The following MCC variants were observed in gnomAD, a reference collection of about 807,000 sequenced individuals.
The protein encoded by MCC is colorectal mutant cancer protein.
A neutral mutation model predicts 116.2 loss-of-function variants in MCC; 90 were observed. The observed-to-expected ratio is 0.77, with a 90% CI of 0.65 to 0.92. The LOEUF is 0.92. Among genes scored for constraint, MCC ranks in the 40% least tolerant of loss-of-function variants. The pLI is 0.00. For synonymous variants in MCC, 578 were observed against 510.5 expected, an observed-to-expected ratio of 1.13 and a Z score of -1.78; for missense variants, 1,516 against 1,312.2, an observed-to-expected ratio of 1.16 and a Z score of -2.40.
At chr5:113,378,674 C>T (rs949677818) in intron 2 of MCC, among the ~76,000 whole-genome samples, 10 of 152,222 alleles carry the variant, frequency 6.6e-5, no homozygotes, top group Admixed American at 1.3e-4. Flanking sequence ...ATCAGCTCTC[C>T]TCAGGCAATC....
chr5:113,375,579 G>A (rs534422857), intron 2 of MCC, among the ~76,000 whole-genome samples: 4 of 152,294 alleles, frequency 2.6e-5, no homozygotes. Context: ...TGGGGTCACT[G>A]ATGTGACTAT....
chr5:113,476,904 A>T (rs1327826626), intron 1 of MCC, among the ~76,000 whole-genome samples: 1 of 152,228 alleles, frequency 6.6e-6, no homozygotes, highest in Admixed American at 6.5e-5. Flanking sequence ...TACGTCAATT[A>T]TATCTCAATA....
intron 3 of MCC, among the ~76,000 whole-genome samples, chr5:113,154,365 G>A (rs1760052751): frequency 6.6e-6 from 1 of 152,232 alleles, no homozygotes; most frequent in Admixed American, 6.5e-5. Flanking sequence ...GCTACAACTA[G>A]AGAGAGCAGA....
intron 6 of MCC, among the ~76,000 whole-genome samples, chr5:113,111,330 C>A (rs1757079940): frequency 6.6e-6 from 1 of 152,106 alleles, no homozygotes; most frequent in Non-Finnish European, 1.5e-5. Context: ...TCCCCTACAC[C>A]CCAAAGCTCA....
intron 1 of MCC, among the ~76,000 whole-genome samples, chr5:113,453,269 G>T (rs566372449): frequency 6.6e-6 from 1 of 151,910 alleles, no homozygotes; most frequent in African/African-American, 2.4e-5. Context: ...ACTTCTCTGG[G>T]CCCCAGCTTG....
intron 1 of MCC, among the ~76,000 whole-genome samples, chr5:113,461,547 G>C (rs953648821): frequency 8.6e-5 from 13 of 151,654 alleles, no homozygotes; most frequent in East Asian, 7.9e-4. Context: ...GCTCATGCCT[G>C]TAATCCCAGG....
intron 1 of MCC, among the ~76,000 whole-genome samples, chr5:113,445,993 A>G (rs1771207784): frequency 6.6e-6 from 1 of 152,160 alleles, no homozygotes; most frequent in African/African-American, 2.4e-5. Context: ...AAAATAATCA[A>G]GAGGAAAGGA....
chr5:113,138,974 AG>A (rs1328460324), intron 5 of MCC, among the ~76,000 whole-genome samples: 2 of 152,178 alleles, frequency 1.3e-5, no homozygotes, highest in African/African-American at 4.8e-5. Flanking sequence ...TGTGATGACA[AG>A]TAAAGTCTCT....
At position 113,255,591 on chromosome 5, in the gene MCC, A is replaced by G. The variant is rs947308520; in HGVS notation, c.627+84928T>C. ...TGCAAGTGAGAAAGATCTAACTAAT[A>G]TATATCTCCTTCTTTACACTCTGCT... is the stretch of plus-strand genomic sequence containing the variant. On this transcript the variant is annotated intron_variant, in intron 3 of 18. Coordinates refer to ENST00000408903, the MANE Select transcript of MCC (RefSeq NM_001085377.2). 3.3e-5 allele frequency among the ~76,000 whole-genome samples: 5 copies of G among 152,322 alleles called. No homozygotes were observed. The South Asian group carries it at 1.0e-3, about 32-fold the overall frequency.
At chr5:113,277,892 T>A (rs547519533) in intron 3 of MCC, among the ~76,000 whole-genome samples, 1 of 152,328 alleles carries the variant, frequency 6.6e-6, no homozygotes, top group African/African-American at 2.4e-5. Context: ...TGAGCCTTAT[T>A]ATCCAACAGT....
intron 2 of MCC, 86 bp downstream of exon 2, chr5:113,384,882 C>A: frequency 6.6e-7 from 1 of 1,506,166 alleles, no homozygotes; most frequent in Non-Finnish European, 9.1e-7. Flanking sequence ...GCTGTGGCCT[C>A]ATGATGGGGA....
chr5:113,488,348 C>CGCT lies in MCC; in HGVS notation c.64_66dup (p.Ser22dup), dbSNP rs757986554. ...GTGTCGCTGCTGCTGCTGCTGCTGC[C>CGCT]GCTGCCGCCGCCGCCGCCGCCGCTG... is the stretch of plus-strand genomic sequence containing the variant. On this transcript the variant is annotated inframe_insertion, in exon 1 of 19. Coordinates refer to ENST00000408903, the MANE Select transcript of MCC (RefSeq NM_001085377.2). 9.0e-6 allele frequency: 13 copies of CGCT among 1,446,644 alleles called. No individual in the cohort carries two copies. The highest frequency in any genetic ancestry group is 3.0e-5 in the African/African-American group (2 of 67,108). 89.6% of individuals were successfully genotyped at this position (1,446,644 alleles called of 1,614,324 possible). A position where few individuals can be genotyped will look rare whatever the true frequency, so the allele number is the denominator to read the frequency against.
chr5:113,128,256 T>C (rs1758198779), intron 5 of MCC, among the ~76,000 whole-genome samples: 3 of 152,226 alleles, frequency 2.0e-5, no homozygotes, highest in Admixed American at 6.5e-5. Context: ...AAGAGCCAGA[T>C]GGTCATCTGC....
intron 2 of MCC, among the ~76,000 whole-genome samples, chr5:113,357,171 G>A (rs183269156): frequency 6.6e-6 from 1 of 152,292 alleles, no homozygotes; most frequent in East Asian, 1.9e-4. Context: ...GAGAATTAAA[G>A]TTAAAATATG....
chr5:113,396,567 C>T (rs1210304091), intron 1 of MCC, among the ~76,000 whole-genome samples: 1 of 152,022 alleles, frequency 6.6e-6, no homozygotes, highest in African/African-American at 2.4e-5. Context: ...ACCTAAGATG[C>T]AGAGGCTGCA....
intron 1 of MCC, among the ~76,000 whole-genome samples, chr5:113,419,169 CTT>C (rs764720031): frequency 2.6e-4 from 37 of 140,738 alleles, no homozygotes; most frequent in Admixed American, 5.0e-4. Context: ...TTTTTTCTTT[CTT>C]TTTTTTTTTT....
chr5:113,261,616 A>C (rs34086862), intron 3 of MCC, among the ~76,000 whole-genome samples: 4,254 of 152,292 alleles, frequency 0.028, 192 homozygotes, highest in African/African-American at 0.096. Context: ...AAAAACTGAC[A>C]AATATTATCA....
chr5:113,256,702 C>G (rs1195159252), intron 3 of MCC, among the ~76,000 whole-genome samples: 2 of 152,166 alleles, frequency 1.3e-5, no homozygotes, highest in African/African-American at 4.8e-5. Context: ...TGAGAGACAT[C>G]CAAACTTAAG....
At chr5:113,222,644 T>C (rs1394316715) in intron 3 of MCC, among the ~76,000 whole-genome samples, 24 of 152,326 alleles carry the variant, frequency 1.6e-4, no homozygotes, top group Non-Finnish European at 1.8e-4. Context: ...GAAGAAGAGA[T>C]TAATTCTCAC....
Sources: gnomAD v4.1 joint callset for allele counts (sites outside exome capture counted in the v4.1 genomes callset) on GRCh38, gnomAD v4.1.1 for gene constraint, MANE v1.5 for transcripts, NCBI Gene and HGNC (gene_info 2026-07-23, HGNC 2026-07-21) for gene names.